AFF2: variants seen among roughly 807,000 people sequenced by gnomAD.
The protein encoded by AFF2 is AF4/FMR2 family member 2.
Under a neutral mutation model 76.9 loss-of-function variants are expected in AFF2, and 14 were observed. That is an observed-to-expected ratio of 0.18 (90% CI 0.12 to 0.28). The LOEUF (loss-of-function observed/expected upper bound fraction) is 0.28, where lower values mean the gene tolerates loss of function less well. Among genes scored for constraint, AFF2 ranks in the 10% least tolerant of loss-of-function variants. The probability of loss-of-function intolerance (pLI) is 1.00; values close to 1 mark genes in which losing one functional copy is unlikely to be tolerated. For missense variants in AFF2, 868 were observed against 1,001.1 expected (o/e 0.87, Z 1.79); for synonymous variants, 398 against 366.7 (o/e 1.09, Z -0.98).
chrX:148,801,003 T>G (rs2070051125), intron 3 of AFF2, among the ~76,000 whole-genome samples: 1 of 111,906 alleles, frequency 8.9e-6, no homozygotes, highest in South Asian at 3.8e-4. Flanking sequence ...AGCATTCAGT[T>G]AGGCCCAGGG....
intron 9 of AFF2, among the ~76,000 whole-genome samples, chrX:148,920,903 A>G (rs2124263841): frequency 9.0e-6 from 1 of 110,502 alleles, no homozygotes; most frequent in African/African-American, 3.3e-5. Flanking sequence ...GGTTAAGGAA[A>G]GTCATTGCTG....
chrX:148,828,560 C>T (rs1485077723), intron 4 of AFF2, among the ~76,000 whole-genome samples: 2 of 112,189 alleles, frequency 1.8e-5, no homozygotes, highest in Non-Finnish European at 3.8e-5. Context: ...ACAAGGCAAT[C>T]GTGTTTAGGG....
At chrX:148,841,892 T>C (rs1226836673) in intron 5 of AFF2, among the ~76,000 whole-genome samples, 2 of 111,940 alleles carry the variant, frequency 1.8e-5, no homozygotes, top group African/African-American at 6.5e-5. Flanking sequence ...GAGTTTGTGG[T>C]AATCTTCTGG....
intron 9 of AFF2, among the ~76,000 whole-genome samples, chrX:148,925,452 A>G (rs139602838): frequency 0.011 from 1,273 of 112,649 alleles, 16 homozygotes; most frequent in African/African-American, 0.039. Flanking sequence ...TTACAGGTAC[A>G]CTTGTCCCAA....
intron 4 of AFF2, among the ~76,000 whole-genome samples, chrX:148,830,027 A>G (rs943613106): frequency 6.2e-5 from 7 of 112,432 alleles, no homozygotes; most frequent in South Asian, 3.7e-4. Flanking sequence ...GTCTATGTAT[A>G]CATGAGATGA....
intron 1 of AFF2, among the ~76,000 whole-genome samples, chrX:148,505,998 G>C (rs1557232461): frequency 1.8e-5 from 2 of 109,908 alleles, no homozygotes; most frequent in Non-Finnish European, 3.8e-5. Flanking sequence ...ACCTGTGGTA[G>C]AACTCAACAT....
chrX:148,665,986 G>A (rs1479605119), intron 3 of AFF2, among the ~76,000 whole-genome samples: 1 of 111,688 alleles, frequency 9.0e-6, no homozygotes, highest in African/African-American at 3.3e-5. Context: ...GAAGCAGGAT[G>A]GGTTGAATGG....
chrX:148,938,666 ATC>A (rs2071800030), intron 9 of AFF2, among the ~76,000 whole-genome samples: 2 of 112,300 alleles, frequency 1.8e-5, no homozygotes, highest in Admixed American at 1.9e-4. Flanking sequence ...TGATTAAAAT[ATC>A]TTTATGTTTC....
chrX:148,912,754 T>C (rs781797654), intron 9 of AFF2, among the ~76,000 whole-genome samples: 1 of 112,392 alleles, frequency 8.9e-6, no homozygotes, highest in Admixed American at 9.4e-5. Flanking sequence ...TTATGGATTG[T>C]AAATGCCCTG....
intron 3 of AFF2, among the ~76,000 whole-genome samples, chrX:148,715,159 G>A (rs1467616646): frequency 2.7e-5 from 3 of 111,091 alleles, no homozygotes; most frequent in Non-Finnish European, 5.7e-5. Flanking sequence ...GGAGAATGAC[G>A]TTGATAGAAG....
At chrX:148,561,016 T>C (rs1168344550) in intron 1 of AFF2, among the ~76,000 whole-genome samples, 4 of 111,936 alleles carry the variant, frequency 3.6e-5, no homozygotes, top group African/African-American at 9.7e-5. Context: ...ATATTTTTTA[T>C]GTATTTGAAG....
intron 8 of AFF2, among the ~76,000 whole-genome samples, chrX:148,888,401 C>T (rs937668082): frequency 3.6e-5 from 4 of 111,981 alleles, no homozygotes; most frequent in African/African-American, 1.3e-4. Context: ...ACCACATTTT[C>T]TTTATCTACT....
chrX:148,951,165 G>A (rs896044319), intron 9 of AFF2, among the ~76,000 whole-genome samples: 4 of 39,092 alleles, frequency 1.0e-4, no homozygotes, highest in Non-Finnish European at 1.8e-4. Flanking sequence ...ACACATACAC[G>A]CACACACACA....
intron 19 of AFF2, among the ~76,000 whole-genome samples, chrX:148,986,419 C>A (rs782381394): frequency 3.6e-5 from 4 of 111,949 alleles, no homozygotes; most frequent in African/African-American, 6.5e-5. Context: ...AGAAAAACGA[C>A]CCCCATGCTG....
chrX:148,895,029 G>A (rs931442826), intron 8 of AFF2, among the ~76,000 whole-genome samples: 1 of 111,246 alleles, frequency 9.0e-6, no homozygotes, highest in Non-Finnish European at 1.9e-5. Flanking sequence ...TCTGCAGTCC[G>A]GATTCATGCC....
chrX:148,690,713 G>A (rs2054642455), intron 3 of AFF2, among the ~76,000 whole-genome samples: 1 of 112,441 alleles, frequency 8.9e-6, no homozygotes, highest in Admixed American at 9.4e-5. Flanking sequence ...TCCCCTACTG[G>A]CTCTATGACA....
intron 1 of AFF2, among the ~76,000 whole-genome samples, chrX:148,581,285 T>C (rs1283227746): frequency 4.1e-5 from 3 of 72,393 alleles, no homozygotes; most frequent in African/African-American, 1.8e-4. Flanking sequence ...TACACGTATA[T>C]ACGTATACGT....
chrX:148,862,006 T>A (rs1225290991), intron 7 of AFF2, among the ~76,000 whole-genome samples: 2 of 110,252 alleles, frequency 1.8e-5, no homozygotes, highest in African/African-American at 6.6e-5. Flanking sequence ...GTAAGTTGTC[T>A]CCGGGGTGGC....
At chrX:148,950,263 G>C (rs1296455050) in intron 9 of AFF2, among the ~76,000 whole-genome samples, 2 of 112,137 alleles carry the variant, frequency 1.8e-5, no homozygotes, top group African/African-American at 3.2e-5. Context: ...ATGAGGCCCA[G>C]ACTCAGATGT....
Sources: allele counts gnomAD v4.1 joint callset (sites outside exome capture counted in the v4.1 genomes callset), GRCh38; gene constraint gnomAD v4.1.1; transcripts MANE v1.5; gene names NCBI Gene and HGNC (gene_info 2026-07-23, HGNC 2026-07-21).